Variants in FAM185A observed in about 807,000 individuals in gnomAD.
FAM185A encodes the protein family with sequence similarity 185 member A, also known as protein FAM185A.
Under a neutral mutation model 45.7 loss-of-function variants are expected in FAM185A, and 21 were observed. The observed-to-expected ratio is 0.46, with a 90% confidence interval of 0.33 to 0.66. The LOEUF (loss-of-function observed/expected upper bound fraction) is 0.66, where lower values mean the gene tolerates loss of function less well. Ranked by LOEUF, FAM185A falls within the 30% of genes least tolerant of loss-of-function variation. The probability of loss-of-function intolerance (pLI) is 0.03; values close to 1 mark genes in which losing one functional copy is unlikely to be tolerated. For missense variants in FAM185A, 305 were observed against 485.4 expected (o/e 0.63, Z 3.49); for synonymous variants, 117 against 194.0 (o/e 0.60, Z 3.30).
chr7:102,774,795 C>T (rs1794956851), intron 5 of FAM185A, among the ~76,000 whole-genome samples: 1 of 152,068 alleles, frequency 6.6e-6, no homozygotes, highest in Non-Finnish European at 1.5e-5. Flanking sequence ...GAGACAAGGT[C>T]TCACTTTGTT....
chr7:102,771,038 A>C (rs1422175272), intron 4 of FAM185A, among the ~76,000 whole-genome samples: 1 of 152,198 alleles, frequency 6.6e-6, no homozygotes, highest in Non-Finnish European at 1.5e-5. Flanking sequence ...ATAAAGAAGA[A>C]TGAAATTATA....
intron 7 of FAM185A, among the ~76,000 whole-genome samples, chr7:102,807,360 T>C (rs1797181668): frequency 6.6e-6 from 1 of 152,226 alleles, no homozygotes; most frequent in Admixed American, 6.5e-5. Context: ...ATGTAGTTTA[T>C]CTTGTCAGTT....
chr7:102,777,458 A>G (rs1467986425), intron 6 of FAM185A, 110 bp downstream of exon 6: 4 of 674,602 alleles, frequency 5.9e-6, no homozygotes, highest in African/African-American at 5.7e-5. Flanking sequence ...TTTCAAGAAA[A>G]TATCTTCTGA....
chr7:102,807,750 TAAAAA>T (rs57307357), intron 7 of FAM185A, among the ~76,000 whole-genome samples: 2 of 135,630 alleles, frequency 1.5e-5, no homozygotes. Flanking sequence ...CGTCTCCACT[TAAAAA>T]AAAAAAAAAA....
At chr7:102,752,020 T>C (rs1008232628) in intron 2 of FAM185A, among the ~76,000 whole-genome samples, 3 of 151,960 alleles carry the variant, frequency 2.0e-5, no homozygotes, top group Non-Finnish European at 2.9e-5. Flanking sequence ...CTTTTGGATT[T>C]AATTTCAAAG....
intron 7 of FAM185A, among the ~76,000 whole-genome samples, chr7:102,787,688 C>T (rs1321972977): frequency 6.6e-6 from 1 of 152,134 alleles, no homozygotes; most frequent in Non-Finnish European, 1.5e-5. Context: ...CTCATTAGTC[C>T]TGTCATTGGG....
the FAM185A span, among the ~76,000 whole-genome samples, chr7:102,826,643 T>C: frequency 2.0e-5 from 3 of 146,510 alleles, no homozygotes; most frequent in Admixed American, 1.4e-4. Context: ...GAGGATCACT[T>C]GAGCCTGGGA....
At chr7:102,777,837 A>G (rs1010514301) in intron 6 of FAM185A, among the ~76,000 whole-genome samples, 2 of 152,002 alleles carry the variant, frequency 1.3e-5, no homozygotes, top group African/African-American at 4.8e-5. Context: ...AAGTATCAAG[A>G]CTTATGATAT....
chr7:102,783,799 C>G (rs1292551411), intron 6 of FAM185A, among the ~76,000 whole-genome samples: 2 of 152,060 alleles, frequency 1.3e-5, no homozygotes, highest in African/African-American at 4.8e-5. Flanking sequence ...CAAACACATT[C>G]AAAAACTAGC....
intron 2 of FAM185A, among the ~76,000 whole-genome samples, chr7:102,753,550 C>T (rs1356142945): frequency 6.6e-6 from 1 of 152,000 alleles, no homozygotes; most frequent in Non-Finnish European, 1.5e-5. Flanking sequence ...TAGCATGCTC[C>T]TCAGTTGTGA....
At chr7:102,815,444 TC>T in the FAM185A span, among the ~76,000 whole-genome samples, 1 of 152,258 alleles carries the variant, frequency 6.6e-6, no homozygotes. Flanking sequence ...CCTTTAACCC[TC>T]TTGGCTTCTG....
At chr7:102,807,718 C>T (rs190303358) in intron 7 of FAM185A, among the ~76,000 whole-genome samples, 16 of 149,914 alleles carry the variant, frequency 1.1e-4, no homozygotes, top group African/African-American at 3.4e-4. Context: ...TCGAGACCTG[C>T]CTGACCAACA....
At chr7:102,756,429 G>A (rs999527105) in intron 2 of FAM185A, among the ~76,000 whole-genome samples, 8 of 151,726 alleles carry the variant, frequency 5.3e-5, no homozygotes, top group African/African-American at 1.5e-4. Flanking sequence ...AGGCTGAGGC[G>A]GGTGGATCAC....
At chr7:102,788,302 T>G (rs1057494509) in intron 7 of FAM185A, among the ~76,000 whole-genome samples, 11 of 152,168 alleles carry the variant, frequency 7.2e-5, no homozygotes, top group Non-Finnish European at 1.3e-4. Context: ...AAAAAATTAA[T>G]GCTGGTGAAG....
intron 4 of FAM185A, among the ~76,000 whole-genome samples, chr7:102,766,864 C>T (rs547587801): frequency 2.6e-5 from 4 of 151,996 alleles, no homozygotes; most frequent in South Asian, 2.1e-4. Flanking sequence ...GGCTTGATCT[C>T]GGCTCACTGC....
chr7:102,753,531 A>G (rs1432095727), intron 2 of FAM185A, among the ~76,000 whole-genome samples: 1 of 152,132 alleles, frequency 6.6e-6, no homozygotes, highest in Non-Finnish European at 1.5e-5. Flanking sequence ...TCTACCTTTT[A>G]GATGCCAGTA....
At chr7:102,822,683 T>G in the FAM185A span, among the ~76,000 whole-genome samples, 1 of 152,238 alleles carries the variant, frequency 6.6e-6, no homozygotes, top group East Asian at 1.9e-4. Flanking sequence ...TTCACCCAGC[T>G]TGTCACATAA....
chr7:102,834,598 T>G, the FAM185A span: 2 of 151,696 alleles, frequency 1.3e-5, no homozygotes, highest in Non-Finnish European at 2.9e-5. Flanking sequence ...CCCATAAAAG[T>G]TAACTAGTGC....
At chr7:102,834,066 AAGGAAGGAAGGAAGGAAAGAAAAGAAAG>A in the FAM185A span, among the ~76,000 whole-genome samples, 1 of 115,736 alleles carries the variant, frequency 8.6e-6, no homozygotes. Flanking sequence ...GGAAGGAAGG[AAGGAAGGAAGGAAGGAAAGAAAAGAAAG>A]AAAGAAAGAA....
Sources: allele counts gnomAD v4.1 joint callset (sites outside exome capture counted in the v4.1 genomes callset), GRCh38; gene constraint gnomAD v4.1.1; transcripts MANE v1.5; gene names NCBI Gene and HGNC (gene_info 2026-07-23, HGNC 2026-07-21).